UBR3: variants seen among roughly 807,000 people sequenced by gnomAD.
The protein encoded by UBR3 is ubiquitin protein ligase E3 component n-recognin 3, also known as E3 ubiquitin-protein ligase UBR3.
A neutral mutation model predicts 243.2 loss-of-function variants in UBR3; 85 were observed. The ratio of observed to expected loss-of-function variants is 0.35; its 90% CI spans 0.29 to 0.42. The LOEUF (loss-of-function observed/expected upper bound fraction) is 0.42, where lower values mean the gene tolerates loss of function less well. Among genes scored for constraint, UBR3 ranks in the 10% least tolerant of loss-of-function variants. The pLI is 1.00. For missense variants in UBR3, 1,686 were observed against 2,300.8 expected, an observed-to-expected ratio of 0.73 and a Z score of 5.47; for synonymous variants, 748 against 799.8, an observed-to-expected ratio of 0.94 and a Z score of 1.09.
In UBR3 at chr2:169,968,966, A is replaced by G. The variant is rs147967530; in HGVS notation, c.3634+10440A>G. On this transcript the variant is annotated intron_variant, in intron 24 of 38. Coordinates refer to ENST00000272793, the MANE Select transcript of UBR3 (RefSeq NM_172070.4). ...AATCATGTTGACCTTTTTGTTTTTT[A>G]TATGCCTGTTTGGCCATTTGTATGT... Among the ~76,000 whole-genome samples, 34 of 152,034 alleles carry G rather than the reference A, an allele frequency of 2.2e-4. 1 individual carries two copies. Among genetic ancestry groups the G allele is most frequent in the African/African-American group, 8.2e-4 (34 of 41,494 alleles).
intron 24 of UBR3, among the ~76,000 whole-genome samples, chr2:169,978,106 G>A (rs1436775749): frequency 6.6e-6 from 1 of 152,166 alleles, no homozygotes; most frequent in African/African-American, 2.4e-5. Context: ...GGCTATAGAA[G>A]TTTGTGGTAG....
chr2:170,031,614 A>G (rs1468458789), intron 31 of UBR3, among the ~76,000 whole-genome samples: 5 of 151,914 alleles, frequency 3.3e-5, no homozygotes, highest in Admixed American at 3.3e-4. Flanking sequence ...TTGGGGTGTG[A>G]TTGTTTTTAT....
chr2:169,912,594 G>A (rs900149880), intron 10 of UBR3, among the ~76,000 whole-genome samples: 2 of 151,958 alleles, frequency 1.3e-5, no homozygotes, highest in Admixed American at 1.3e-4. Context: ...CATTTCATTT[G>A]TCCTTTAATC....
In UBR3 at chr2:170,079,779, A is replaced by T. The variant is rs777980150; in HGVS notation, c.5200-35A>T. 8.3e-6 allele frequency: 13 copies of T among 1,559,936 alleles called. No homozygotes were observed. The African/African-American group carries it at 1.8e-4, about 21-fold the overall frequency. On this transcript the variant is annotated intron_variant, in intron 36 of 38. Coordinates refer to ENST00000272793, the MANE Select transcript of UBR3 (RefSeq NM_172070.4). Reference sequence around the variant, plus strand: ...TATATTGTGTTAGTGACTTAAATACATAAAACTAATGAATATTTTTGGATA... The same window carrying T: ...TATATTGTGTTAGTGACTTAAATACTTAAAACTAATGAATATTTTTGGATA...
chr2:170,039,865 A>G (rs2090922467), intron 31 of UBR3, among the ~76,000 whole-genome samples: 1 of 152,070 alleles, frequency 6.6e-6, no homozygotes, highest in Non-Finnish European at 1.5e-5. Context: ...GCACATTCCT[A>G]AGGTTTACTA....
At chr2:170,053,677 G>T (rs1421886552) in intron 32 of UBR3, among the ~76,000 whole-genome samples, 1 of 152,214 alleles carries the variant, frequency 6.6e-6, no homozygotes, top group South Asian at 2.1e-4. Flanking sequence ...TGGAAGTCTA[G>T]TCCAGGGTGT....
At chr2:170,078,153 T>G (rs571923329) in intron 36 of UBR3, 1 of 579,622 alleles carries the variant, frequency 1.7e-6, no homozygotes, top group African/African-American at 2.0e-5. Context: ...AGATAAAGCT[T>G]AGCCTTCAGA....
At chr2:170,066,717 A>G (rs1486904517) in intron 35 of UBR3, among the ~76,000 whole-genome samples, 1 of 152,164 alleles carries the variant, frequency 6.6e-6, no homozygotes, top group Non-Finnish European at 1.5e-5. Context: ...CTGTAATCCC[A>G]GCACTTTGGG....
At chr2:170,035,231 T>C (rs779513241) in intron 31 of UBR3, among the ~76,000 whole-genome samples, 16 of 152,118 alleles carry the variant, frequency 1.1e-4, no homozygotes, top group Non-Finnish European at 1.9e-4. Context: ...TGGTGTTATA[T>C]CTAAAAAGTC....
At chr2:170,023,785 GTTTC>G (rs2090454594) in intron 30 of UBR3, among the ~76,000 whole-genome samples, 5 of 152,008 alleles carry the variant, frequency 3.3e-5, no homozygotes, top group Non-Finnish European at 7.4e-5. Flanking sequence ...TAGAGATGGG[GTTTC>G]ACCGTCTTGA....
In UBR3 at chr2:169,973,314, C is replaced by A. The variant is rs547563508; in HGVS notation, c.3635-13331C>A. Among the ~76,000 whole-genome samples, 965 of 144,940 alleles carry A rather than the reference C, an allele frequency of 6.7e-3. 6 individuals are homozygous for A. The highest frequency in any genetic ancestry group is 0.023 in the African/African-American group (904 of 38,866). ...TTCCATGCTCATGGGTAGGAAGAAT[C>A]AGTATTGTGAAAATGGCCATACTGC... On this transcript the variant is annotated intron_variant, in intron 24 of 38. Coordinates refer to ENST00000272793, the MANE Select transcript of UBR3 (RefSeq NM_172070.4).
chr2:170,039,790 G>A (rs554125119), intron 31 of UBR3, among the ~76,000 whole-genome samples: 4 of 152,134 alleles, frequency 2.6e-5, no homozygotes, highest in East Asian at 1.9e-4. Flanking sequence ...CCTTCTAAAG[G>A]CATTTAAAAA....
intron 5 of UBR3, among the ~76,000 whole-genome samples, chr2:169,879,760 A>G (rs1005860769): frequency 2.0e-5 from 3 of 152,252 alleles, no homozygotes; most frequent in African/African-American, 7.2e-5. Context: ...TAAATAAAAT[A>G]GAGTAATTTA....
chr2:170,044,866 T>C (rs1457930792), intron 32 of UBR3, among the ~76,000 whole-genome samples: 3 of 152,174 alleles, frequency 2.0e-5, no homozygotes, highest in East Asian at 3.8e-4. Context: ...CTTCACCTTC[T>C]TTTTTAAGAA....
In UBR3 at chr2:169,926,904, T is replaced by C. The variant is rs1196482813; in HGVS notation, c.2271T>C (p.His757=). The change falls in exon 16 of 39, where the codon CAT becomes CAC. Residue 757 remains histidine (H), a synonymous_variant. Transcript: ENST00000272793. ...AAAATACAGTACTTGATGCAGAGCA[T>C]GAGAGGTCGATGTTAGAAGGCGCTC... ...QHQNTVLDAE[H]ERSMLEGALT... The C allele has an allele frequency of 2.6e-6, 4 of 1,550,620 alleles. No individual in the cohort carries two copies. The highest frequency in any genetic ancestry group is 3.5e-6 in the Non-Finnish European group (4 of 1,146,116).
intron 19 of UBR3, among the ~76,000 whole-genome samples, chr2:169,933,499 T>G (rs2086214542): frequency 6.6e-6 from 1 of 152,236 alleles, no homozygotes; most frequent in Admixed American, 6.5e-5. Flanking sequence ...ACAAAAATTT[T>G]GAAAGATATC....
chr2:169,963,270 C>A (rs2087662672), intron 24 of UBR3, among the ~76,000 whole-genome samples: 1 of 152,126 alleles, frequency 6.6e-6, no homozygotes, highest in Non-Finnish European at 1.5e-5. Flanking sequence ...CTTATGGCTC[C>A]TGTCTTCTGC....
chr2:169,891,177 G>A lies in UBR3; in HGVS notation c.1051G>A (p.Gly351Ser). The change falls in exon 6 of 39, where the codon GGT becomes AGT. Residue 351 changes from glycine (G) to serine (S), a missense_variant. Gly to Ser is a moderately conservative substitution (Grantham distance 56). Around this residue, in one of 8 missense-constraint regions of UBR3, gnomAD observed 200 missense variants for 231.6 expected, o/e 0.86. Transcript: ENST00000272793. Reference sequence around the variant, plus strand: ...TATTTTCCTTCAGGATGATCAGGATGGTAGTCAAGGTCTGGGCAAGAGAAA... The same window carrying A: ...TATTTTCCTTCAGGATGATCAGGATAGTAGTCAAGGTCTGGGCAAGAGAAA... ...VDSSDEDDQD[G>S]SQGLGKRKRV... 6.5e-7 allele frequency: 1 copy of A among 1,549,478 alleles called. No individual in the cohort carries two copies. The highest frequency in any genetic ancestry group is 8.7e-7 in the Non-Finnish European group (1 of 1,145,488).
At chr2:169,914,713 A>C (rs1434503012) in intron 11 of UBR3, among the ~76,000 whole-genome samples, 2 of 152,218 alleles carry the variant, frequency 1.3e-5, no homozygotes, top group Non-Finnish European at 2.9e-5. Context: ...AAGTAGGGTC[A>C]GAATATGCCA....
Sources: allele counts gnomAD v4.1 joint callset (sites outside exome capture counted in the v4.1 genomes callset), GRCh38; gene constraint gnomAD v4.1.1; regional missense constraint gnomAD v4.1.1; transcripts MANE v1.5; gene names NCBI Gene and HGNC (gene_info 2026-07-23, HGNC 2026-07-21).